ZBBX: variants seen among roughly 807,000 people sequenced by gnomAD.
The protein encoded by ZBBX is zinc finger B-box domain-containing protein 1.
Under a neutral mutation model 108.5 loss-of-function variants are expected in ZBBX, and 101 were observed. The ratio of observed to expected loss-of-function variants is 0.93; its 90% CI spans 0.79 to 1.10. The LOEUF is 1.10. Among genes scored for constraint, ZBBX ranks in the 50% least tolerant of loss-of-function variants. ZBBX has a pLI of 0.00. For missense variants in ZBBX, 1,009 were observed against 941.4 expected, an observed-to-expected ratio of 1.07 and a Z score of -0.94; for synonymous variants, 356 against 323.4, an observed-to-expected ratio of 1.10 and a Z score of -1.08.
intron 17 of ZBBX, among the ~76,000 whole-genome samples, chr3:167,300,908 G>A (rs1326461837): frequency 3.5e-5 from 5 of 142,630 alleles, no homozygotes; most frequent in African/African-American, 1.3e-4. Context: ...GAGCCACTGT[G>A]CCTGGCCTTT....
At chr3:167,185,660 G>T in the ZBBX span, among the ~76,000 whole-genome samples, 1 of 152,020 alleles carries the variant, frequency 6.6e-6, no homozygotes, top group Non-Finnish European at 1.5e-5. Flanking sequence ...TGCAGTTCTA[G>T]CATTCTTTAA....
chr3:167,372,970 A>G lies in ZBBX; in HGVS notation c.-49-20T>C. The stretch of plus-strand genomic sequence containing the variant: ...ACACTTCTGTAAAAGTAACAAAGAC[A>G]AAAGAATTATGGCAGAGGTGAAGCA... On this transcript the variant is annotated intron_variant, in intron 3 of 21. Transcript: ENST00000675490. 8.0e-7 allele frequency: 1 copy of G among 1,244,554 alleles called. No homozygotes were observed. Among genetic ancestry groups the G allele is most frequent in the Non-Finnish European group, 1.1e-6 (1 of 885,686 alleles). The allele number at this position is 1,244,554 out of a possible 1,614,324, so 77.1% of individuals were successfully genotyped here.
intron 10 of ZBBX, among the ~76,000 whole-genome samples, chr3:167,330,781 GAGAAGAAGAAAGAAGA>G (rs1405828813): frequency 1.3e-4 from 10 of 77,062 alleles, no homozygotes; most frequent in African/African-American, 4.8e-4. Flanking sequence ...AGAAGAAAAG[GAGAAGAAGAAAGAAGA>G]AGAAGAAGAA....
At chr3:167,282,765 G>A (rs184637192) in intron 19 of ZBBX, among the ~76,000 whole-genome samples, 24 of 152,028 alleles carry the variant, frequency 1.6e-4, no homozygotes, top group African/African-American at 5.5e-4. Context: ...TATTCACAAA[G>A]GAAAATATCT....
chr3:167,236,575 T>C (rs552121548), downstream of ZBBX, among the ~76,000 whole-genome samples: 6 of 151,932 alleles, frequency 3.9e-5, no homozygotes, highest in African/African-American at 1.2e-4. Context: ...AGTTAGTAAG[T>C]AGTGTAATCT....
In ZBBX at chr3:167,332,186, A is replaced by G. The variant is rs1738747783; in HGVS notation, c.687+1641T>C. On this transcript the variant is annotated intron_variant, in intron 10 of 21. Transcript: ENST00000675490. ...GGCACAGAGGAACACTAAGCCTATG[A>G]AGCGGTTATCTCTTCATTGTGTACT... is the stretch of plus-strand genomic sequence containing the variant. Among the ~76,000 whole-genome samples the G allele has an allele frequency of 2.0e-5, 3 of 152,190 alleles. No homozygotes were observed. The South Asian group carries it at 6.2e-4, about 32-fold the overall frequency.
the ZBBX span, among the ~76,000 whole-genome samples, chr3:167,228,161 T>C: frequency 5.7e-4 from 87 of 151,956 alleles, no homozygotes; most frequent in Non-Finnish European, 1.2e-3. Context: ...CAGCTTCCTA[T>C]GAGTGGATAA....
At chr3:167,338,599 G>A in intron 9 of ZBBX, among the ~76,000 whole-genome samples, 2 of 151,908 alleles carry the variant, frequency 1.3e-5, no homozygotes, top group Admixed American at 1.3e-4. Flanking sequence ...GTTTGAGGGG[G>A]AAAGGAATGA....
rs147688434 is a variant in ZBBX, at chr3:167,401,622, C to G, written c.-446+6104G>C. Among the ~76,000 whole-genome samples the G allele has an allele frequency of 2.8e-3, 427 of 152,280 alleles. 1 individual carries two copies. Among genetic ancestry groups the G allele is most frequent in the African/African-American group, 9.9e-3 (411 of 41,550 alleles). ...ATGTCATCTGTAAACTGTCATGGCA[C>G]TGGTGGGAGTGTAGCAGTGAGGACA... On this transcript the variant is annotated intron_variant, in intron 1 of 21. Coordinates refer to the ZBBX transcript ENST00000455345.
chr3:167,363,017 A>G (rs1453360827), intron 6 of ZBBX, among the ~76,000 whole-genome samples: 1 of 151,870 alleles, frequency 6.6e-6, no homozygotes, highest in African/African-American at 2.4e-5. Flanking sequence ...GTGAACATCT[A>G]AATGCCTCTT....
chr3:167,284,582 T>C (rs764647497), intron 19 of ZBBX, among the ~76,000 whole-genome samples: 4 of 152,170 alleles, frequency 2.6e-5, no homozygotes, highest in African/African-American at 4.8e-5. Context: ...ATAATGTAGA[T>C]GCCCTTCAGA....
chr3:167,245,038 G>A (rs1250490328), intron 20 of ZBBX, among the ~76,000 whole-genome samples: 2 of 152,168 alleles, frequency 1.3e-5, no homozygotes, highest in Non-Finnish European at 2.9e-5. Flanking sequence ...GAACCAATCA[G>A]AGAGGCTATT....
At chr3:167,294,793 C>T (rs894392456) in intron 18 of ZBBX, among the ~76,000 whole-genome samples, 4 of 152,014 alleles carry the variant, frequency 2.6e-5, no homozygotes, top group African/African-American at 9.7e-5. Context: ...GGCAATCCAT[C>T]CATTGGACAA....
rs1366605358 is a variant in ZBBX, at chr3:167,288,477, GCT to G, written c.1996+388_1996+389del. ...ACCTAAGTCAATCATTTCACATATG[GCT>G]CTGTCTGATCATAATATATATCAAG... On this transcript the variant is annotated intron_variant, in intron 19 of 21. Coordinates refer to ENST00000675490, the MANE Select transcript of ZBBX (RefSeq NM_001199201.2). Among the ~76,000 whole-genome samples the G allele has an allele frequency of 1.6e-4, 25 of 152,132 alleles. No homozygotes were observed. The East Asian group carries it at 4.8e-3, about 29-fold the overall frequency.
the ZBBX span, among the ~76,000 whole-genome samples, chr3:167,181,506 G>A: frequency 4.6e-5 from 7 of 152,196 alleles, no homozygotes; most frequent in African/African-American, 1.2e-4. Context: ...TGATTGAAAT[G>A]TTCACTCCTG....
chr3:167,361,505 T>C (rs1577089805), intron 6 of ZBBX, among the ~76,000 whole-genome samples: 3 of 152,270 alleles, frequency 2.0e-5, no homozygotes, highest in South Asian at 4.1e-4. Flanking sequence ...GCTCAATTTG[T>C]ACATGAGAAT....
chr3:167,239,437 CT>C (rs1236657502), downstream of ZBBX, among the ~76,000 whole-genome samples: 4 of 151,712 alleles, frequency 2.6e-5, no homozygotes, highest in Non-Finnish European at 5.9e-5. Context: ...AACTCATATC[CT>C]TTTTTTTCTC....
chr3:167,260,224 T>C (rs370634600), intron 20 of ZBBX, among the ~76,000 whole-genome samples: 2 of 152,308 alleles, frequency 1.3e-5, no homozygotes, highest in East Asian at 3.9e-4. Context: ...TAGGTTTTCC[T>C]TTATAGGTTA....
chr3:167,393,964 T>C (rs1328684443), intron 1 of ZBBX, among the ~76,000 whole-genome samples: 1 of 151,954 alleles, frequency 6.6e-6, no homozygotes, highest in Non-Finnish European at 1.5e-5. Flanking sequence ...GTAAAATAGA[T>C]ACAGATAGAT....
Sources: gnomAD v4.1 joint callset for allele counts (sites outside exome capture counted in the v4.1 genomes callset) on GRCh38, gnomAD v4.1.1 for gene constraint, MANE v1.5 for transcripts, NCBI Gene and HGNC (gene_info 2026-07-23, HGNC 2026-07-21) for gene names.